Variants in PPP6R2 observed in about 807,000 individuals in gnomAD.
The protein encoded by PPP6R2 is serine/threonine-protein phosphatase 6 regulatory subunit 2.
Under a neutral mutation model 100.2 loss-of-function variants are expected in PPP6R2, and 62 were observed. The observed-to-expected ratio is 0.62, with a 90% CI of 0.50 to 0.76. PPP6R2 has a LOEUF of 0.76. PPP6R2 is among the 30% of genes least tolerant of loss of function. PPP6R2 has a pLI of 0.00. For missense variants in PPP6R2, 1,142 were observed against 1,276.3 expected (o/e 0.89, Z 1.60); for synonymous variants, 525 against 514.7 (o/e 1.02, Z -0.27).
chr22:50,352,754 A>G (rs1175163885), intron 1 of PPP6R2, among the ~76,000 whole-genome samples: 1 of 150,280 alleles, frequency 6.7e-6, no homozygotes, highest in East Asian at 2.0e-4. Context: ...AAAAAAAAAC[A>G]CACAAAACAA....
intron 3 of PPP6R2, among the ~76,000 whole-genome samples, chr22:50,396,548 G>A (rs950387495): frequency 6.6e-6 from 1 of 150,834 alleles, no homozygotes; most frequent in African/African-American, 2.4e-5. Context: ...ACATGAAAAC[G>A]ATATGAAACA....
intron 2 of PPP6R2, among the ~76,000 whole-genome samples, chr22:50,382,940 C>T (rs976666932): frequency 2.6e-5 from 4 of 151,558 alleles, no homozygotes; most frequent in East Asian, 1.9e-4. Context: ...CAGACTCAAG[C>T]GATTCTCCTG....
intron 2 of PPP6R2, among the ~76,000 whole-genome samples, chr22:50,375,486 A>C (rs912242686): frequency 1.3e-5 from 2 of 152,170 alleles, no homozygotes; most frequent in Non-Finnish European, 2.9e-5. Context: ...TAAATAGCCT[A>C]AAGGAGACCC....
At chr22:50,428,194 G>A (rs1217216671) in intron 10 of PPP6R2, among the ~76,000 whole-genome samples, 2 of 152,136 alleles carry the variant, frequency 1.3e-5, no homozygotes, top group Non-Finnish European at 2.9e-5. Flanking sequence ...TTGTAGCAGT[G>A]TTTTGTAGTT....
chr22:50,370,525 G>C (rs1414998323), intron 1 of PPP6R2, among the ~76,000 whole-genome samples: 3 of 152,022 alleles, frequency 2.0e-5, no homozygotes, highest in Non-Finnish European at 2.9e-5. Context: ...CTGACCTCGT[G>C]ATCCACCCGC....
chr22:50,444,313 G>A lies in PPP6R2; in HGVS notation c.*66G>A. ...CCTCCTTAATCGAGAAAACTACCTG[G>A]TGATGCAATCTTTTTTTTTTTTAAT... is the stretch of plus-strand genomic sequence containing the variant. On this transcript the variant is annotated 3_prime_UTR_variant, in exon 24 of 24. Transcript: ENST00000612753. 6.7e-7 allele frequency: 1 copy of A among 1,497,914 alleles called. No homozygotes were observed. Among genetic ancestry groups the A allele is most frequent in the South Asian group, 1.2e-5 (1 of 80,448 alleles). 92.8% of individuals were successfully genotyped at this position (1,497,914 alleles called of 1,614,324 possible). A position where few individuals can be genotyped will look rare whatever the true frequency, so the allele number is the denominator to read the frequency against.
intron 2 of PPP6R2, among the ~76,000 whole-genome samples, chr22:50,376,821 C>G (rs138767433): frequency 0.013 from 1,939 of 152,236 alleles, 31 homozygotes; most frequent in East Asian, 0.051. Flanking sequence ...GGGCAGATCA[C>G]AAGGTCAGGA....
At chr22:50,366,761 C>G (rs571836283) in intron 1 of PPP6R2, among the ~76,000 whole-genome samples, 2 of 152,166 alleles carry the variant, frequency 1.3e-5, no homozygotes, top group African/African-American at 4.8e-5. Context: ...CCTGTGAACT[C>G]GAGCTACCTT....
chr22:50,437,201 TG>T, intron 15 of PPP6R2, 133 bp downstream of exon 15: 1 of 867,080 alleles, frequency 1.2e-6, no homozygotes, highest in South Asian at 1.6e-5. Flanking sequence ...CGAGCACGTA[TG>T]GGGCGGGGTG....
chr22:50,421,461 C>T (rs763500537), intron 8 of PPP6R2, among the ~76,000 whole-genome samples: 1 of 152,106 alleles, frequency 6.6e-6, no homozygotes, highest in Non-Finnish European at 1.5e-5. Context: ...TCCCACCTGT[C>T]CCCCCCAAAG....
intron 22 of PPP6R2, among the ~76,000 whole-genome samples, chr22:50,442,714 G>A (rs557248430): frequency 2.0e-5 from 3 of 151,864 alleles, no homozygotes; most frequent in Admixed American, 6.5e-5. Context: ...CACCAGGCCC[G>A]GCTAATTTTT....
the PPP6R2 span, among the ~76,000 whole-genome samples, chr22:50,337,180 GGT>G: frequency 1.4e-5 from 2 of 143,878 alleles, no homozygotes; most frequent in Admixed American, 6.9e-5. Flanking sequence ...GTGTGTGTGG[GGT>G]GTGTGCGTGT....
At position 50,381,584 on chromosome 22, in the gene PPP6R2, G is replaced by T. The variant is rs113180700; in HGVS notation, c.-17+9434G>T. ...CAAACTAGGATAGGGATTAACTGTA[G>T]ATTTTAATAAGTGCAGTTTACAAGT... On this transcript the variant is annotated intron_variant, in intron 2 of 23. Coordinates refer to ENST00000612753, the MANE Select transcript of PPP6R2 (RefSeq NM_001242898.2). Among the ~76,000 whole-genome samples the T allele has an allele frequency of 9.7e-4, 148 of 152,320 alleles. 2 individuals are homozygous for T. The highest frequency in any genetic ancestry group is 3.6e-3 in the African/African-American group (148 of 41,576).
chr22:50,335,630 G>A, the PPP6R2 span, among the ~76,000 whole-genome samples: 1 of 150,822 alleles, frequency 6.6e-6, no homozygotes, highest in African/African-American at 2.4e-5. Context: ...TCCTGCCTCA[G>A]CCTCCCGAGT....
At position 50,440,982 on chromosome 22, in the gene PPP6R2, C is replaced by T. The variant is rs762882021; in HGVS notation, c.2535C>T (p.Ala845=). 6 of 1,610,364 alleles carry T rather than the reference C, an allele frequency of 3.7e-6. No individual in the cohort carries two copies. Among genetic ancestry groups the T allele is most frequent in the Admixed American group, 1.7e-5 (1 of 59,796 alleles). Residue 845 remains alanine, a synonymous_variant, in exon 22 of 24, where the codon GCC becomes GCT. Coordinates refer to ENST00000612753, the MANE Select transcript of PPP6R2 (RefSeq NM_001242898.2). ...TGAGCAGGGGTCCCGGCCGGGAGGC[C>T]CCCCCGCTGCCCACAGTGGCCAGGA... The part of the protein sequence containing the change: ...DAVSRGPGRE[A]PPLPTVARTE...
intron 7 of PPP6R2, 60 bp downstream of exon 7, chr22:50,419,039 G>C: frequency 7.4e-7 from 1 of 1,352,630 alleles, no homozygotes; most frequent in South Asian, 1.2e-5. Flanking sequence ...GGGGACGTCT[G>C]TGAGCCTTGC....
In PPP6R2 at chr22:50,393,933, A is replaced by G. The variant is rs770276886; in HGVS notation, c.25A>G (p.Thr9Ala). 19 of 1,614,194 alleles carry G rather than the reference A, an allele frequency of 1.2e-5. No individual in the cohort carries two copies. The highest frequency in any genetic ancestry group is 1.4e-5 in the Non-Finnish European group (17 of 1,180,032). MFWKFDLNTTSHVDKLLDK... is the reference protein window; with the variant it reads MFWKFDLNATSHVDKLLDK... ...GATGTTCTGGAAGTTTGACTTGAACACCACGTCCCATGTTGACAAGCTGCT... is the reference window on the plus strand; with the variant it reads ...GATGTTCTGGAAGTTTGACTTGAACGCCACGTCCCATGTTGACAAGCTGCT... Residue 9 changes from threonine (T) to alanine (A), a missense_variant, in exon 3 of 24, where the codon ACC becomes GCC. Coordinates refer to ENST00000612753, the MANE Select transcript of PPP6R2 (RefSeq NM_001242898.2).
intron 2 of PPP6R2, among the ~76,000 whole-genome samples, chr22:50,375,851 T>TTTTTTTTTTTTTTTTTTTTTTTTC (rs1241682653): frequency 1.4e-5 from 2 of 139,506 alleles, no homozygotes. Flanking sequence ...TTTTTTTTTT[T>TTTTTTTTTTTTTTTTTTTTTTTTC]TTTTTTTGAG....
intron 10 of PPP6R2, among the ~76,000 whole-genome samples, chr22:50,426,833 CAAA>C (rs71198248): frequency 9.8e-6 from 1 of 102,312 alleles, no homozygotes; most frequent in Non-Finnish European, 1.8e-5. Context: ...GATTCTGTTT[CAAA>C]AAAAAAAAAA....
Sources: gnomAD v4.1 joint callset for allele counts (sites outside exome capture counted in the v4.1 genomes callset) on GRCh38, gnomAD v4.1.1 for gene constraint, MANE v1.5 for transcripts, NCBI Gene and HGNC (gene_info 2026-07-23, HGNC 2026-07-21) for gene names.